Variants in KDM7A observed in about 807,000 individuals in gnomAD.
The protein encoded by KDM7A is lysine-specific demethylase 7A.
A neutral mutation model predicts 114.8 loss-of-function variants in KDM7A; 28 were observed. The observed-to-expected ratio is 0.24, with a 90% CI of 0.18 to 0.33. The LOEUF is 0.33. Among genes scored for constraint, KDM7A ranks in the 10% least tolerant of loss-of-function variants. KDM7A has a pLI of 1.00. For synonymous variants in KDM7A, 423 were observed against 397.8 expected (o/e 1.06, Z -0.75); for missense variants, 942 against 1,142.5 (o/e 0.82, Z 2.53).
At chr7:140,114,713 AG>A (rs1291441629) in intron 9 of KDM7A, among the ~76,000 whole-genome samples, 1 of 145,420 alleles carries the variant, frequency 6.9e-6, no homozygotes, top group Non-Finnish European at 1.5e-5. Context: ...CATCCCGTCT[AG>A]GAAGTGAGGA....
At chr7:140,171,762 A>G (rs1403927200) in intron 1 of KDM7A, among the ~76,000 whole-genome samples, 1 of 151,750 alleles carries the variant, frequency 6.6e-6, no homozygotes, top group Non-Finnish European at 1.5e-5. Flanking sequence ...TGAACTTCAC[A>G]TAAACAGAGC....
intron 7 of KDM7A, among the ~76,000 whole-genome samples, chr7:140,123,191 T>G (rs1818642622): frequency 6.6e-6 from 1 of 152,166 alleles, no homozygotes; most frequent in African/African-American, 2.4e-5. Flanking sequence ...ATTACAGCAC[T>G]GGTGAGGGTG....
At chr7:140,113,125 C>T (rs757205365) in intron 10 of KDM7A, among the ~76,000 whole-genome samples, 1 of 152,222 alleles carries the variant, frequency 6.6e-6, no homozygotes, top group Admixed American at 6.5e-5. Flanking sequence ...CTAGACCTCA[C>T]ACAGTTGGCA....
chr7:140,155,559 G>A (rs1253270281), intron 1 of KDM7A, among the ~76,000 whole-genome samples: 1 of 152,180 alleles, frequency 6.6e-6, no homozygotes, highest in Non-Finnish European at 1.5e-5. Context: ...AATTTAAGAA[G>A]ACCTGTTGCC....
At chr7:140,111,684 C>T (rs1014111003) in intron 10 of KDM7A, among the ~76,000 whole-genome samples, 8 of 152,102 alleles carry the variant, frequency 5.3e-5, no homozygotes, top group African/African-American at 1.9e-4. Flanking sequence ...GAAGGCCGGG[C>T]GCAGTGACTC....
At chr7:140,136,931 G>A (rs1480030016) in intron 2 of KDM7A, among the ~76,000 whole-genome samples, 1 of 151,958 alleles carries the variant, frequency 6.6e-6, no homozygotes, top group Non-Finnish European at 1.5e-5. Flanking sequence ...AGGTTGCAGT[G>A]AGCCAAGACT....
At chr7:140,100,711 C>CACAT (rs1562946051) in intron 12 of KDM7A, among the ~76,000 whole-genome samples, 3 of 56,974 alleles carry the variant, frequency 5.3e-5, no homozygotes, top group Admixed American at 2.1e-4. Flanking sequence ...TATATATACA[C>CACAT]ATATATATAT....
rs1048351820 is a variant in KDM7A, at chr7:140,084,753, T to C, written c.*6341A>G. On this transcript the variant is annotated 3_prime_UTR_variant, in exon 20 of 20. Transcript: ENST00000397560. ...AAGGGAACAAAGTCAGAATTGGATATAGAATTCAGATTCTTTTTCTTTCAA... is the reference window on the plus strand; with the variant it reads ...AAGGGAACAAAGTCAGAATTGGATACAGAATTCAGATTCTTTTTCTTTCAA... 1 of 152,246 alleles carries C rather than the reference T, an allele frequency of 6.6e-6. No individual in the cohort carries two copies. The highest frequency in any genetic ancestry group is 6.5e-5 in the Admixed American group (1 of 15,290). 9.4% of individuals were successfully genotyped at this position (152,246 alleles called of 1,614,324 possible). A position where few individuals can be genotyped will look rare whatever the true frequency, so the allele number is the denominator to read the frequency against.
At chr7:140,153,046 G>C (rs1271409757) in intron 1 of KDM7A, among the ~76,000 whole-genome samples, 1 of 151,754 alleles carries the variant, frequency 6.6e-6, no homozygotes, top group East Asian at 2.0e-4. Flanking sequence ...TTTTAGTAGA[G>C]ACAGGGTTTC....
rs550813567 is a variant in KDM7A at position 140,133,438 on chromosome 7, T to C, written c.398+101A>G. On this transcript the variant is annotated intron_variant, in intron 3 of 19. Transcript: ENST00000397560. ...AAAGCTGGCTGAGGACAATAATGGG[T>C]TGCAGCCTAAGTTTGAAAACATTGC... is the stretch of plus-strand genomic sequence containing the variant. The C allele has an allele frequency of 3.0e-5, 20 of 667,638 alleles. No homozygotes were observed. The African/African-American group carries it at 3.6e-4, about 12-fold the overall frequency. The allele number at this position is 667,638 out of a possible 1,614,324, so 41.4% of individuals were successfully genotyped here. A position where few individuals can be genotyped will look rare whatever the true frequency, so the allele number is the denominator to read the frequency against.
At chr7:140,113,366 A>G (rs1818463997) in intron 10 of KDM7A, 125 bp downstream of exon 10, 1 of 501,274 alleles carries the variant, frequency 2.0e-6, no homozygotes, top group Admixed American at 3.7e-5. Context: ...CAGGTTGTAT[A>G]TAAAGGCATG....
At position 140,124,715 on chromosome 7, in the gene KDM7A, T is replaced by A. The variant is rs375375812; in HGVS notation, c.957A>T (p.Ser319=). 3.0e-5 allele frequency: 49 copies of A among 1,613,366 alleles called. 2 individuals are homozygous for A. In the Middle Eastern group the frequency reaches 5.9e-3, roughly 196 times the overall value. Residue 319 remains serine (S), a synonymous_variant, in exon 7 of 20, where the codon TCA becomes TCT. Coordinates refer to ENST00000397560, the MANE Select transcript of KDM7A (RefSeq NM_030647.2). ...ENLARYESWS[S]SVTQSEVFFG... The stretch of plus-strand genomic sequence containing the variant: ...AGAACACCTCACTCTGGGTCACAGA[T>A]GAACTCCAAGATTCATAACGTGCCA...
chr7:140,115,696 CT>C (rs1174907376), intron 9 of KDM7A, among the ~76,000 whole-genome samples: 5 of 151,820 alleles, frequency 3.3e-5, no homozygotes, highest in African/African-American at 1.2e-4. Context: ...AACCAGAGAC[CT>C]TTGTTCACTT....
intron 11 of KDM7A, among the ~76,000 whole-genome samples, chr7:140,102,374 AT>A (rs149936748): frequency 0.096 from 13,688 of 142,900 alleles, 547 homozygotes; most frequent in African/African-American, 0.11. Context: ...TACTTCCTTG[AT>A]TTTTTTTTTT....
intron 1 of KDM7A, among the ~76,000 whole-genome samples, chr7:140,155,097 C>T (rs1183668066): frequency 6.6e-6 from 1 of 152,148 alleles, no homozygotes; most frequent in Non-Finnish European, 1.5e-5. Context: ...TGATCATACA[C>T]TAAAACTTTC....
At chr7:140,112,380 C>A (rs1007891500) in intron 10 of KDM7A, among the ~76,000 whole-genome samples, 2 of 152,130 alleles carry the variant, frequency 1.3e-5, no homozygotes, top group African/African-American at 4.8e-5. Context: ...AAGGCCAAGA[C>A]GGGTGGATCA....
chr7:140,100,696 A>G (rs562959502), intron 12 of KDM7A, among the ~76,000 whole-genome samples: 5 of 40,684 alleles, frequency 1.2e-4, no homozygotes, highest in Non-Finnish European at 2.4e-4. Flanking sequence ...ATACATATAT[A>G]TATATATATA....
chr7:140,094,716 A>T (rs954686423), intron 17 of KDM7A: 7 of 152,828 alleles, frequency 4.6e-5, no homozygotes, highest in African/African-American at 1.7e-4. Context: ...CAAGTGAAGC[A>T]GTGAGATGGA....
chr7:140,142,063 A>T (rs919365500), intron 1 of KDM7A, among the ~76,000 whole-genome samples: 1 of 142,208 alleles, frequency 7.0e-6, no homozygotes, highest in African/African-American at 2.8e-5. Context: ...TATATATATA[A>T]AAGATATTTA....
Sources: gnomAD v4.1 joint callset for allele counts (sites outside exome capture counted in the v4.1 genomes callset) on GRCh38, gnomAD v4.1.1 for gene constraint, MANE v1.5 for transcripts, NCBI Gene and HGNC (gene_info 2026-07-23, HGNC 2026-07-21) for gene names.